PRKDC: variants seen among roughly 807,000 people sequenced by gnomAD.
PRKDC encodes the protein protein kinase, DNA-activated, catalytic subunit.
A neutral mutation model predicts 486.9 loss-of-function variants in PRKDC; 82 were observed. The ratio of observed to expected loss-of-function variants is 0.17; its 90% CI spans 0.14 to 0.20. The LOEUF (loss-of-function observed/expected upper bound fraction) is 0.20. PRKDC is among the 10% of genes least tolerant of loss of function. The probability of loss-of-function intolerance (pLI) is 1.00; values close to 1 mark genes in which losing one functional copy is unlikely to be tolerated. For synonymous variants in PRKDC, 1,895 were observed against 1,837.0 expected, an observed-to-expected ratio of 1.03 and a Z score of -0.81; for missense variants, 4,504 against 5,038.2, an observed-to-expected ratio of 0.89 and a Z score of 3.21.
In PRKDC at chr8:47,834,282, T is replaced by C. The variant is rs767611569; in HGVS notation, c.8066A>G (p.Gln2689Arg). 1.9e-6 allele frequency: 3 copies of C among 1,613,942 alleles called. No individual in the cohort carries two copies. Among genetic ancestry groups the C allele is most frequent in the South Asian group, 2.2e-5 (2 of 91,094 alleles). The change falls in exon 59 of 86, where the codon CAG (glutamine) becomes CGG (arginine). Residue 2689 changes from glutamine to arginine, a missense_variant. Transcript: ENST00000314191. ...CCCCACTGACTTCAAGGGTGCTCTCTGTAACCTTTCACTCCTCTTGTGGGC... is the reference window on the plus strand; with the variant it reads ...CCCCACTGACTTCAAGGGTGCTCTCCGTAACCTTTCACTCCTCTTGTGGGC... ...LFAHKRSERL[Q>R]RAPLKSVGPD...
intron 69 of PRKDC, 96 bp from the exon 70 acceptor site, chr8:47,803,576 C>A (rs1174436794): frequency 3.6e-6 from 4 of 1,116,162 alleles, no homozygotes; most frequent in Non-Finnish European, 4.1e-6. Context: ...ACGACACAAT[C>A]CACCTTAGAG....
At chr8:47,776,731 G>C in intron 85 of PRKDC, 113 bp downstream of exon 85, 1 of 1,350,284 alleles carries the variant, frequency 7.4e-7, no homozygotes, top group Non-Finnish European at 1.0e-6. Context: ...TGAAAGCAGA[G>C]AAGTCATGCT....
chr8:47,939,690 T>A lies in PRKDC; in HGVS notation c.974A>T (p.Asn325Ile), dbSNP rs1478254467. Residue 325 changes from asparagine (N) to isoleucine (I), a missense_variant, in exon 11 of 86, where the codon AAT (asparagine) becomes ATT (isoleucine). Transcript: ENST00000314191. ...ALESFLKQVSNMVAKNAEMHK... is the reference protein window; with the variant it reads ...ALESFLKQVSIMVAKNAEMHK... ...CATTTCTGCATTTTTCGCCACCATATTAGAAACCTGCAAATACATAATATT... is the reference window on the plus strand; with the variant it reads ...CATTTCTGCATTTTTCGCCACCATAATAGAAACCTGCAAATACATAATATT... 2 of 1,595,960 alleles carry A rather than the reference T, an allele frequency of 1.3e-6. No homozygotes were observed. Among genetic ancestry groups the A allele is most frequent in the Non-Finnish European group, 1.7e-6 (2 of 1,170,860 alleles).
chr8:47,888,729 C>T, intron 33 of PRKDC, 79 bp from the exon 34 acceptor site: 2 of 1,455,506 alleles, frequency 1.4e-6, no homozygotes, highest in Non-Finnish European at 1.8e-6. Context: ...AAAATGTTTG[C>T]ACTGTTATGA....
intron 9 of PRKDC, among the ~76,000 whole-genome samples, chr8:47,943,571 G>C (rs1183585802): frequency 1.3e-5 from 2 of 152,132 alleles, no homozygotes; most frequent in African/African-American, 4.8e-5. Context: ...CCCAAAACAA[G>C]GGTCAGAAGT....
At chr8:47,884,247 G>C (rs1001254416) in intron 36 of PRKDC, among the ~76,000 whole-genome samples, 3 of 152,214 alleles carry the variant, frequency 2.0e-5, no homozygotes, top group African/African-American at 7.2e-5. Context: ...GCAGAGACAG[G>C]AGGCTGCCCT....
rs760781003 is a variant in PRKDC, at chr8:47,862,117, A to G, written c.5930T>C (p.Ile1977Thr). The part of the protein sequence containing the change: ...FSEKPEKNLL[I>T]FENLIDLKRR... ...CTTCAGGTCGATCAGATTTTCAAAA[A>G]TAAGCAAGTTCTGTGAATACAAAGA... Residue 1977 changes from isoleucine (I) to threonine (T), a missense_variant, in exon 44 of 86, where the codon ATT becomes ACT. Coordinates refer to ENST00000314191, the MANE Select transcript of PRKDC (RefSeq NM_006904.7). 1.3e-6 allele frequency: 2 copies of G among 1,550,970 alleles called. No homozygotes were observed. Among genetic ancestry groups the G allele is most frequent in the South Asian group, 1.2e-5 (1 of 83,504 alleles).
chr8:47,781,003 T>C (rs750535010), intron 80 of PRKDC, among the ~76,000 whole-genome samples: 1 of 152,170 alleles, frequency 6.6e-6, no homozygotes, highest in South Asian at 2.1e-4. Flanking sequence ...ATAATGGGTA[T>C]TGGAAGTGCC....
intron 48 of PRKDC, 99 bp from the exon 49 acceptor site, chr8:47,857,398 T>C (rs1455418698): frequency 1.5e-6 from 2 of 1,336,636 alleles, no homozygotes; most frequent in African/African-American, 3.0e-5. Context: ...TTTTATACTA[T>C]GACTGGACCT....
chr8:47,792,254 A>ATTTTT (rs757370500), intron 74 of PRKDC, among the ~76,000 whole-genome samples: 2 of 139,464 alleles, frequency 1.4e-5, no homozygotes, highest in Non-Finnish European at 3.1e-5. Flanking sequence ...CCACAGTAAA[A>ATTTTT]TTTTTTTTTT....
At chr8:47,922,471 C>CAA (rs5891258) in intron 21 of PRKDC, among the ~76,000 whole-genome samples, 179 of 145,936 alleles carry the variant, frequency 1.2e-3, no homozygotes, top group African/African-American at 3.1e-3. Flanking sequence ...TATTTCGTCT[C>CAA]AAAAAAAAAA....
At chr8:47,926,196 C>T (rs2090154701) in intron 21 of PRKDC, among the ~76,000 whole-genome samples, 1 of 152,086 alleles carries the variant, frequency 6.6e-6, no homozygotes, top group African/African-American at 2.4e-5. Context: ...AATGGCACTC[C>T]TTATATAAAT....
intron 78 of PRKDC, among the ~76,000 whole-genome samples, chr8:47,783,295 A>T (rs1446886713): frequency 6.7e-6 from 1 of 150,202 alleles, no homozygotes; most frequent in Non-Finnish European, 1.5e-5. Context: ...AAAAAAGAAA[A>T]AAAAAAAAAA....
chr8:47,807,311 G>A lies in PRKDC; in HGVS notation c.9573C>T (p.Ser3191=), dbSNP rs1170925271. ...DIITNRCFFL[S]KIEEKLTPLP... ...GAGGGGTAAGCTTCTCCTCTATTTT[G>A]CTGAGAAAGAAACATCTACACAAAG... Residue 3191 remains serine (S), a synonymous_variant, in exon 69 of 86, where the codon AGC becomes AGT. Transcript: ENST00000314191. The A allele has an allele frequency of 1.9e-6, 3 of 1,560,050 alleles. No individual in the cohort carries two copies. In the East Asian group the frequency reaches 7.0e-5, roughly 36 times the overall value.
chr8:47,848,750 T>G (rs764688994), intron 54 of PRKDC, among the ~76,000 whole-genome samples: 4 of 152,208 alleles, frequency 2.6e-5, no homozygotes, highest in Non-Finnish European at 4.4e-5. Context: ...CAGCTTTCTC[T>G]TTTAACATAT....
chr8:47,894,264 G>A (rs1452285885), intron 30 of PRKDC, among the ~76,000 whole-genome samples: 1 of 152,086 alleles, frequency 6.6e-6, no homozygotes, highest in Admixed American at 6.6e-5. Flanking sequence ...GCTACAGAGT[G>A]AGACTCGGTA....
rs139019726 is a variant in PRKDC, at chr8:47,953,957, T to C, written c.509-38A>G. ...TTTTAGACAAGTGAAGGCCTCAAAC[T>C]ACATTTAAATAAGTTAAACTAACCA... On this transcript the variant is annotated intron_variant, in intron 5 of 85. Transcript: ENST00000314191. 47 of 1,233,256 alleles carry C rather than the reference T, an allele frequency of 3.8e-5. No homozygotes were observed. The African/African-American group carries it at 5.2e-4, about 14-fold the overall frequency. 76.4% of individuals were successfully genotyped at this position (1,233,256 alleles called of 1,614,324 possible).
chr8:47,826,782 T>A lies in PRKDC; in HGVS notation c.8657A>T (p.Gln2886Leu). Reference sequence around the variant, plus strand: ...CTCTAGCAGGCGGATGCCCACGGGCTGCTGTAGGCTGGCCAGGCAACCAGC... The same window carrying A: ...CTCTAGCAGGCGGATGCCCACGGGCAGCTGTAGGCTGGCCAGGCAACCAGC... ...VSAGCLASLQ[Q>L]PVGIRLLEEA... is the part of the protein sequence containing the mutation. The change falls in exon 63 of 86, where the codon CAG (glutamine) becomes CTG (leucine). Residue 2886 changes from glutamine (Q) to leucine (L), a missense_variant. Coordinates refer to ENST00000314191, the MANE Select transcript of PRKDC (RefSeq NM_006904.7). 1 of 1,610,676 alleles carries A rather than the reference T, an allele frequency of 6.2e-7. No homozygotes were observed. The highest frequency in any genetic ancestry group is 8.5e-7 in the Non-Finnish European group (1 of 1,178,630).
At chr8:47,789,343 A>C in intron 74 of PRKDC, 105 bp from the exon 75 acceptor site, 4 of 313,446 alleles carry the variant, frequency 1.3e-5, no homozygotes, top group Non-Finnish European at 2.2e-5. Context: ...ACATATATAA[A>C]ATAATGTATG....
Sources: allele counts gnomAD v4.1 joint callset (sites outside exome capture counted in the v4.1 genomes callset), GRCh38; gene constraint gnomAD v4.1.1; transcripts MANE v1.5; gene names NCBI Gene and HGNC (gene_info 2026-07-23, HGNC 2026-07-21).